Variants in MYO5B observed in about 807,000 individuals in gnomAD.
MYO5B encodes the protein unconventional myosin-Vb.
Under a neutral mutation model 229.3 loss-of-function variants are expected in MYO5B, and 143 were observed. The ratio of observed to expected loss-of-function variants is 0.62; its 90% CI spans 0.54 to 0.72. The LOEUF is 0.72. MYO5B is among the 30% of genes least tolerant of loss of function. MYO5B has a pLI of 0.00. For synonymous variants in MYO5B, 918 were observed against 885.2 expected, an observed-to-expected ratio of 1.04 and a Z score of -0.66; for missense variants, 2,321 against 2,331.0, an observed-to-expected ratio of 1.00 and a Z score of 0.09.
chr18:50,126,767 A>T (rs2457975), intron 1 of MYO5B, among the ~76,000 whole-genome samples: 93,734 of 152,018 alleles, frequency 0.62, 29,044 homozygotes, highest in Admixed American at 0.7. Flanking sequence ...CTAGCACACT[A>T]TGGCAGTGAA....
chr18:50,116,648 G>C (rs2031968286), intron 1 of MYO5B, among the ~76,000 whole-genome samples: 1 of 151,944 alleles, frequency 6.6e-6, no homozygotes, highest in African/African-American at 2.4e-5. Context: ...CTTAACCCTT[G>C]CTCTGGTTTG....
intron 29 of MYO5B, among the ~76,000 whole-genome samples, chr18:49,857,863 G>GGGC (rs2024281222): frequency 1.3e-5 from 2 of 152,132 alleles, no homozygotes; most frequent in Non-Finnish European, 2.9e-5. Flanking sequence ...GGGCAGGTAG[G>GGGC]GGCCTGCTGC....
chr18:49,896,473 G>A (rs1171497210), intron 21 of MYO5B, among the ~76,000 whole-genome samples: 1 of 152,206 alleles, frequency 6.6e-6, no homozygotes, highest in African/African-American at 2.4e-5. Flanking sequence ...CTGCACAGAG[G>A]AGTAGGGCAC....
intron 21 of MYO5B, among the ~76,000 whole-genome samples, chr18:49,896,680 C>T (rs1356160050): frequency 1.3e-5 from 2 of 152,144 alleles, no homozygotes; most frequent in African/African-American, 4.8e-5. Context: ...TAACAGGAGG[C>T]ACATCCTATC....
intron 14 of MYO5B, among the ~76,000 whole-genome samples, chr18:49,938,114 G>A (rs2025271361): frequency 6.6e-6 from 1 of 152,150 alleles, no homozygotes; most frequent in Non-Finnish European, 1.5e-5. Flanking sequence ...GGTAGGAGGT[G>A]GCTATGCTTT....
At chr18:49,892,648 T>C (rs1445815803) in intron 22 of MYO5B, among the ~76,000 whole-genome samples, 1 of 152,092 alleles carries the variant, frequency 6.6e-6, no homozygotes, top group Non-Finnish European at 1.5e-5. Context: ...GTGCCTTTGA[T>C]AAATATTATA....
Position 49,984,767 on chromosome 18 carries a change from C to T in MYO5B, c.897G>A (p.Val299=). The T allele has an allele frequency of 6.2e-7, 1 of 1,613,994 alleles. No homozygotes were observed. The highest frequency in any genetic ancestry group is 8.5e-7 in the Non-Finnish European group (1 of 1,179,884). The change falls in exon 8 of 40, where the codon GTG becomes GTA. Residue 299 remains valine, a synonymous_variant. Coordinates refer to ENST00000285039, the MANE Select transcript of MYO5B (RefSeq NM_001080467.3). ...TCTTCTCAAAGTCCTCAGCATCGTC[C>T]ACACCCTCGATGGAAGTGTCTCCTC... ...SQGGDTSIEG[V]DDAEDFEKTR... is the part of the protein sequence containing the mutation.
intron 5 of MYO5B, among the ~76,000 whole-genome samples, chr18:49,994,507 G>A (rs1437367999): frequency 1.3e-5 from 2 of 152,212 alleles, no homozygotes; most frequent in African/African-American, 4.8e-5. Flanking sequence ...TATAACTCTG[G>A]AAGGAAGTGT....
At chr18:50,110,988 A>G (rs1269139014) in intron 1 of MYO5B, among the ~76,000 whole-genome samples, 1 of 152,216 alleles carries the variant, frequency 6.6e-6, no homozygotes, top group Non-Finnish European at 1.5e-5. Flanking sequence ...AATGTTCACA[A>G]TGATAAGATT....
intron 1 of MYO5B, among the ~76,000 whole-genome samples, chr18:50,088,107 A>T (rs1396691534): frequency 6.6e-6 from 1 of 152,198 alleles, no homozygotes; most frequent in African/African-American, 2.4e-5. Flanking sequence ...CACCTGTGAC[A>T]CACAGCGGCA....
intron 4 of MYO5B, among the ~76,000 whole-genome samples, chr18:50,020,758 G>T (rs1351783434): frequency 6.6e-6 from 1 of 152,344 alleles, no homozygotes; most frequent in Non-Finnish European, 1.5e-5. Flanking sequence ...CATTTGAGAG[G>T]TGTGGCATAG....
At position 49,842,110 on chromosome 18, in the gene MYO5B, A is replaced by G. The variant is rs553446118; in HGVS notation, c.4612-656T>C. Among the ~76,000 whole-genome samples the G allele has an allele frequency of 4.9e-3, 745 of 152,062 alleles. 4 individuals carry two copies. The highest frequency in any genetic ancestry group is 7.0e-3 in the Non-Finnish European group (473 of 67,966). On this transcript the variant is annotated intron_variant, in intron 34 of 39. Coordinates refer to ENST00000285039, the MANE Select transcript of MYO5B (RefSeq NM_001080467.3). ...ACGACCAAAAGAAAAAAAAAAAAAA[A>G]GAAATGAGGTTGAATAGAAAGTGAC...
intron 1 of MYO5B, among the ~76,000 whole-genome samples, chr18:50,148,405 C>T (rs984882461): frequency 7.9e-5 from 12 of 151,474 alleles, no homozygotes; most frequent in African/African-American, 2.7e-4. Flanking sequence ...AGACCAATAT[C>T]CTTGATGAAC....
intron 1 of MYO5B, among the ~76,000 whole-genome samples, chr18:50,069,879 G>T (rs1419545940): frequency 6.6e-6 from 1 of 151,976 alleles, no homozygotes; most frequent in African/African-American, 2.4e-5. Context: ...AGACCTGTTT[G>T]TTCATCCCTA....
chr18:50,193,916 G>A (rs757965946), intron 1 of MYO5B, among the ~76,000 whole-genome samples: 1 of 152,188 alleles, frequency 6.6e-6, no homozygotes, highest in Non-Finnish European at 1.5e-5. Flanking sequence ...AACTGCTGCG[G>A]AACGCGGGCG....
chr18:49,971,974 G>A (rs1251201491), intron 10 of MYO5B, among the ~76,000 whole-genome samples: 1 of 152,164 alleles, frequency 6.6e-6, no homozygotes, highest in Non-Finnish European at 1.5e-5. Context: ...CCGGAAGAAA[G>A]CACAAAGGGT....
At chr18:50,078,460 TTTC>T (rs1398280596) in intron 1 of MYO5B, among the ~76,000 whole-genome samples, 3 of 152,120 alleles carry the variant, frequency 2.0e-5, no homozygotes, top group Admixed American at 2.0e-4. Flanking sequence ...GATTGACACA[TTTC>T]ACCTTTATAA....
At chr18:50,189,076 G>C (rs2033192923) in intron 1 of MYO5B, among the ~76,000 whole-genome samples, 1 of 152,166 alleles carries the variant, frequency 6.6e-6, no homozygotes, top group African/African-American at 2.4e-5. Context: ...CAGAAGGAAA[G>C]TGACAGCATG....
chr18:49,906,462 T>C lies in MYO5B; in HGVS notation c.2371A>G (p.Thr791Ala), dbSNP rs2024900612. ...KVKYHRLKGA[T>A]LTLQRYCRGH... is the part of the protein sequence containing the mutation. ...CGGCAGTACCTCTGCAGGGTTAAGG[T>C]AGCCCCCTTCAGCCTGTGATATTTC... Residue 791 changes from threonine to alanine, a missense_variant, in exon 19 of 40, where the codon ACC (threonine) becomes GCC (alanine). Transcript: ENST00000285039. 1 of 1,614,128 alleles carries C rather than the reference T, an allele frequency of 6.2e-7. No individual in the cohort carries two copies. The highest frequency in any genetic ancestry group is 1.1e-5 in the South Asian group (1 of 91,076).
Sources: gnomAD v4.1 joint callset for allele counts (sites outside exome capture counted in the v4.1 genomes callset) on GRCh38, gnomAD v4.1.1 for gene constraint, MANE v1.5 for transcripts, NCBI Gene and HGNC (gene_info 2026-07-23, HGNC 2026-07-21) for gene names.